Variants in USP7 observed in about 807,000 individuals in gnomAD.
USP7 encodes ubiquitin specific peptidase 7.
USP7 carries 9 observed loss-of-function variants against 162.9 expected under a neutral mutation model. The observed-to-expected ratio is 0.06, with a 90% CI of 0.03 to 0.10. The LOEUF (loss-of-function observed/expected upper bound fraction) is 0.10, where lower values mean the gene tolerates loss of function less well. USP7 is among the 10% of genes least tolerant of loss of function. The pLI, the probability that USP7 is intolerant of heterozygous loss-of-function variation, is 1.00. For synonymous variants in USP7, 562 were observed against 475.9 expected (o/e 1.18, Z -2.35); for missense variants, 715 against 1,373.7 (o/e 0.52, Z 7.58).
In USP7 at chr16:8,907,818, A is replaced by T. The variant is rs562947718; in HGVS notation, c.1271+523T>A. On this transcript the variant is annotated intron_variant, in intron 12 of 30. Transcript: ENST00000344836. Reference sequence around the variant, plus strand: ...GACACAGCAAGACTCTGTCTCAAAAACATAATAAAACAAAGTAAATAAAAA... The same window carrying T: ...GACACAGCAAGACTCTGTCTCAAAATCATAATAAAACAAAGTAAATAAAAA... Among the ~76,000 whole-genome samples the T allele has an allele frequency of 5.3e-5, 8 of 152,326 alleles. No homozygotes were observed. The South Asian group carries it at 1.5e-3, about 28-fold the overall frequency.
At position 8,905,120 on chromosome 16, in the gene USP7, G is replaced by A. The variant is rs953424656; in HGVS notation, c.1573+67C>T. 2.1e-5 allele frequency: 33 copies of A among 1,553,486 alleles called. 1 individual carries two copies. The Admixed American group carries it at 2.5e-4, about 12-fold the overall frequency. Reference sequence around the variant, plus strand: ...TGTGTTTGGACAGAAAAGGATATTGGAGATTCATGGTACAAATGTCCAAGT... The same window carrying A: ...TGTGTTTGGACAGAAAAGGATATTGAAGATTCATGGTACAAATGTCCAAGT... On this transcript the variant is annotated intron_variant, in intron 14 of 30. Transcript: ENST00000344836.
At chr16:8,962,463 A>G (rs908522485) in intron 1 of USP7, 13 of 449,378 alleles carry the variant, frequency 2.9e-5, no homozygotes, top group Non-Finnish European at 5.8e-5. Flanking sequence ...ACATCGGCAG[A>G]AAACCGAGTT....
intron 1 of USP7, among the ~76,000 whole-genome samples, chr16:8,937,633 G>A (rs1277089356): frequency 1.3e-5 from 2 of 152,168 alleles, no homozygotes; most frequent in African/African-American, 4.8e-5. Flanking sequence ...GTGAGCAAGG[G>A]CTGCACCACT....
chr16:8,953,388 C>G (rs1899646387), intron 1 of USP7, among the ~76,000 whole-genome samples: 1 of 152,160 alleles, frequency 6.6e-6, no homozygotes, highest in South Asian at 2.1e-4. Context: ...CCTACACCAG[C>G]CTCTGTGGAC....
intron 1 of USP7, among the ~76,000 whole-genome samples, chr16:8,940,932 G>A (rs892728409): frequency 6.6e-6 from 1 of 152,158 alleles, no homozygotes; most frequent in Non-Finnish European, 1.5e-5. Flanking sequence ...GGGGGTGAAG[G>A]TCATAATAGG....
chr16:8,912,091 AG>A (rs1384976102), intron 10 of USP7, among the ~76,000 whole-genome samples: 3 of 152,236 alleles, frequency 2.0e-5, no homozygotes, highest in Admixed American at 6.5e-5. Flanking sequence ...AGCAAAGGTT[AG>A]GAATATCTAA....
In USP7 at chr16:8,894,162, G is replaced by A. The variant is rs912516315; in HGVS notation, c.3203-58C>T. 3.0e-5 allele frequency: 46 copies of A among 1,519,674 alleles called. 1 individual carries two copies. The highest frequency in any genetic ancestry group is 1.4e-4 in the East Asian group (6 of 44,358). The allele number at this position is 1,519,674 out of a possible 1,614,324, so 94.1% of individuals were successfully genotyped here. A position where few individuals can be genotyped will look rare whatever the true frequency, so the allele number is the denominator to read the frequency against. On this transcript the variant is annotated intron_variant, in intron 30 of 30. Transcript: ENST00000344836. Reference sequence around the variant, plus strand: ...CAGAGCAGCCCTGGAACCCCTCAGCGGGGTGGTGGCCAGTGAGGCATGCAT... The same window carrying A: ...CAGAGCAGCCCTGGAACCCCTCAGCAGGGTGGTGGCCAGTGAGGCATGCAT...
At chr16:8,923,444 G>C (rs762298878) in intron 2 of USP7, 31 bp from the exon 3 acceptor site, 1 of 1,610,228 alleles carries the variant, frequency 6.2e-7, no homozygotes, top group Non-Finnish European at 8.5e-7. Flanking sequence ...CAGTCACAGA[G>C]CCTGTGCATT....
chr16:8,908,950 C>T (rs2061901245), intron 11 of USP7, among the ~76,000 whole-genome samples: 1 of 152,218 alleles, frequency 6.6e-6, no homozygotes, highest in Non-Finnish European at 1.5e-5. Flanking sequence ...TCCTTGGGCT[C>T]TTTGATGTTT....
chr16:8,939,881 C>T (rs757228897), intron 1 of USP7, among the ~76,000 whole-genome samples: 6 of 152,170 alleles, frequency 3.9e-5, no homozygotes, highest in Admixed American at 2.6e-4. Context: ...GGGCAGATCA[C>T]GAGGTCAGGA....
intron 1 of USP7, among the ~76,000 whole-genome samples, chr16:8,946,698 G>C (rs1317530079): frequency 1.3e-5 from 2 of 152,084 alleles, no homozygotes; most frequent in Non-Finnish European, 2.9e-5. Context: ...CTATACCCCA[G>C]CCCCACACAC....
chr16:8,899,776 T>G lies in USP7; in HGVS notation c.2310-19A>C, dbSNP rs765588791. On this transcript the variant is annotated intron_variant, in intron 21 of 30. Transcript: ENST00000344836. Reference sequence around the variant, plus strand: ...GTCATCCCTGGTGGAGGGAGAAAGTTTGCAGTCTGAATCAAAGTCCATGGC... The same window carrying G: ...GTCATCCCTGGTGGAGGGAGAAAGTGTGCAGTCTGAATCAAAGTCCATGGC... The G allele has an allele frequency of 1.7e-5, 28 of 1,614,180 alleles. No homozygotes were observed. In the Admixed American group the frequency reaches 4.7e-4, roughly 27 times the overall value.
At chr16:8,894,904 A>G (rs2061658366) in intron 28 of USP7, 49 bp from the exon 29 acceptor site, 1 of 1,613,860 alleles carries the variant, frequency 6.2e-7, no homozygotes. Context: ...CAGCACCCCC[A>G]GGCCACGTCA....
intron 1 of USP7, chr16:8,949,463 C>T (rs1030174498): frequency 6.6e-6 from 1 of 152,266 alleles, no homozygotes; most frequent in African/African-American, 2.4e-5. Context: ...TAACACAACA[C>T]AACATGGCAA....
chr16:8,901,333 CAGTA>C (rs2061771439), intron 18 of USP7, 99 bp from the exon 19 acceptor site: 7 of 689,052 alleles, frequency 1.0e-5, no homozygotes, highest in East Asian at 5.5e-5. Flanking sequence ...AAAAAAAAAA[CAGTA>C]AGCTGAATAG....
At chr16:8,926,045 T>C (rs1421059763) in intron 2 of USP7, among the ~76,000 whole-genome samples, 1 of 151,132 alleles carries the variant, frequency 6.6e-6, no homozygotes, top group Non-Finnish European at 1.5e-5. Flanking sequence ...TCCCAGCTAC[T>C]AGGGAGGCTG....
intron 2 of USP7, among the ~76,000 whole-genome samples, chr16:8,924,618 G>C (rs1026814680): frequency 2.6e-5 from 4 of 152,226 alleles, no homozygotes; most frequent in Non-Finnish European, 5.9e-5. Flanking sequence ...CCTGAAGGCA[G>C]TCACCATGTC....
chr16:8,904,247 C>T (rs746116587), intron 15 of USP7, among the ~76,000 whole-genome samples, 188 bp downstream of exon 15: 2 of 152,202 alleles, frequency 1.3e-5, no homozygotes, highest in African/African-American at 4.8e-5. Flanking sequence ...TGGGCAGCTG[C>T]CCTGCTGTGC....
intron 1 of USP7, among the ~76,000 whole-genome samples, chr16:8,941,470 G>A (rs958750636): frequency 6.6e-6 from 1 of 152,180 alleles, no homozygotes; most frequent in Non-Finnish European, 1.5e-5. Flanking sequence ...CGTATCTCCA[G>A]CCGCATTTCA....
Sources: gnomAD v4.1 joint callset for allele counts (sites outside exome capture counted in the v4.1 genomes callset) on GRCh38, gnomAD v4.1.1 for gene constraint, MANE v1.5 for transcripts, NCBI Gene and HGNC (gene_info 2026-07-23, HGNC 2026-07-21) for gene names.